PALLD: variants seen among roughly 807,000 people sequenced by gnomAD.
PALLD encodes palladin, cytoskeletal associated protein.
PALLD carries 61 observed loss-of-function variants against 123.5 expected under a neutral mutation model. The observed-to-expected ratio is 0.49, with a 90% CI of 0.40 to 0.61. The LOEUF (loss-of-function observed/expected upper bound fraction) is 0.61, where lower values mean the gene tolerates loss of function less well. Among genes scored for constraint, PALLD ranks in the 20% least tolerant of loss-of-function variants. The pLI is 0.00. For synonymous variants in PALLD, 465 were observed against 496.4 expected, an observed-to-expected ratio of 0.94 and a Z score of 0.84; for missense variants, 1,273 against 1,377.0, an observed-to-expected ratio of 0.92 and a Z score of 1.20.
intron 15 of PALLD, among the ~76,000 whole-genome samples, chr4:168,907,436 C>G (rs576704907): frequency 2.8e-4 from 42 of 152,266 alleles, no homozygotes; most frequent in African/African-American, 9.9e-4. Context: ...ATTTTATCAC[C>G]TCCATGGGAA....
intron 2 of PALLD, among the ~76,000 whole-genome samples, chr4:168,640,076 T>C: frequency 6.6e-6 from 1 of 152,228 alleles, no homozygotes; most frequent in South Asian, 2.1e-4. Context: ...AAAGTGACGA[T>C]GACCTCACAA....
chr4:168,827,324 A>G (rs1470918151), intron 10 of PALLD, among the ~76,000 whole-genome samples: 1 of 152,242 alleles, frequency 6.6e-6, no homozygotes, highest in Non-Finnish European at 1.5e-5. Flanking sequence ...CAGATAATGC[A>G]TGAGGCTGAG....
chr4:168,858,003 T>G (rs1400731049), intron 10 of PALLD, among the ~76,000 whole-genome samples: 4 of 152,248 alleles, frequency 2.6e-5, no homozygotes, highest in East Asian at 1.9e-4. Flanking sequence ...TCACACACAT[T>G]GCTCCCCACA....
intron 2 of PALLD, among the ~76,000 whole-genome samples, chr4:168,652,819 C>T (rs1271786075): frequency 6.6e-6 from 1 of 152,118 alleles, no homozygotes; most frequent in Non-Finnish European, 1.5e-5. Flanking sequence ...AGTGTGTCCC[C>T]AATAAACCAT....
intron 2 of PALLD, among the ~76,000 whole-genome samples, chr4:168,545,632 T>C (rs953437438): frequency 6.6e-6 from 1 of 152,214 alleles, no homozygotes; most frequent in African/African-American, 2.4e-5. Flanking sequence ...ACTCTTTTAA[T>C]CTGAGCCTTC....
At chr4:168,590,857 C>G (rs1238761684) in intron 2 of PALLD, among the ~76,000 whole-genome samples, 4 of 136,620 alleles carry the variant, frequency 2.9e-5, no homozygotes, top group South Asian at 2.4e-4. Flanking sequence ...AGAAGGGGAC[C>G]TAGAAAGTTT....
intron 1 of PALLD, among the ~76,000 whole-genome samples, chr4:168,503,002 C>T (rs1761584923): frequency 6.6e-6 from 1 of 152,202 alleles, no homozygotes; most frequent in Non-Finnish European, 1.5e-5. Context: ...CAGAACATTT[C>T]CTGCCTCGTG....
chr4:168,894,683 A>G lies in PALLD; in HGVS notation c.2199+6A>G, dbSNP rs981612426. On this transcript the variant is annotated splice_donor_region_variant and intron_variant, in intron 12 of 21. Transcript: ENST00000505667. ...AAGAGGAAACAGCTAATCAGGTACC[A>G]TGTTGCTCTGGACTTCTTAGGGTAA... 1.2e-6 allele frequency: 2 copies of G among 1,612,652 alleles called. No homozygotes were observed. The highest frequency in any genetic ancestry group is 1.7e-6 in the Non-Finnish European group (2 of 1,179,122).
At chr4:168,799,021 C>G (rs1031943715) in intron 10 of PALLD, among the ~76,000 whole-genome samples, 1 of 152,112 alleles carries the variant, frequency 6.6e-6, no homozygotes, top group African/African-American at 2.4e-5. Context: ...TCCGGGGGTG[C>G]CTTGTGGTCA....
At chr4:168,780,115 T>C (rs543784991) in intron 10 of PALLD, among the ~76,000 whole-genome samples, 6 of 152,276 alleles carry the variant, frequency 3.9e-5, no homozygotes, top group Admixed American at 3.3e-4. Context: ...GCCAGGCTGG[T>C]CTCGAACTCC....
chr4:168,689,500 T>G (rs1402828322), intron 6 of PALLD, among the ~76,000 whole-genome samples: 2 of 131,528 alleles, frequency 1.5e-5, no homozygotes, highest in East Asian at 5.1e-4. Flanking sequence ...CAGGCTGAAG[T>G]GCAATGGTGT....
At chr4:168,651,042 C>T (rs566089120) in intron 2 of PALLD, among the ~76,000 whole-genome samples, 10 of 152,174 alleles carry the variant, frequency 6.6e-5, no homozygotes, top group East Asian at 1.9e-4. Flanking sequence ...TTTTCAGGAT[C>T]GTAATTAAAC....
intron 10 of PALLD, among the ~76,000 whole-genome samples, chr4:168,866,574 A>G (rs969890639): frequency 1.3e-5 from 2 of 152,198 alleles, no homozygotes; most frequent in African/African-American, 4.8e-5. Flanking sequence ...TGGATATACA[A>G]TATTTAGCTG....
At chr4:168,757,238 T>C (rs1732015031) in intron 10 of PALLD, among the ~76,000 whole-genome samples, 1 of 152,232 alleles carries the variant, frequency 6.6e-6, no homozygotes, top group African/African-American at 2.4e-5. Context: ...AATGTTGATT[T>C]CCTCAGATTT....
At chr4:168,735,577 A>G (rs1469876957) in intron 10 of PALLD, among the ~76,000 whole-genome samples, 1 of 152,190 alleles carries the variant, frequency 6.6e-6, no homozygotes, top group Non-Finnish European at 1.5e-5. Flanking sequence ...GGATGGCAAA[A>G]ACCCATTCAT....
chr4:168,835,642 G>C (rs1438138519), intron 10 of PALLD, among the ~76,000 whole-genome samples: 1 of 132,182 alleles, frequency 7.6e-6, no homozygotes, highest in Non-Finnish European at 1.7e-5. Flanking sequence ...AATTTTAAGA[G>C]AGGATAAAGA....
chr4:168,799,850 T>A (rs1028111702), intron 10 of PALLD, among the ~76,000 whole-genome samples: 1 of 152,188 alleles, frequency 6.6e-6, no homozygotes, highest in African/African-American at 2.4e-5. Context: ...CAACTATAAC[T>A]ATTTCCTATG....
At chr4:168,499,238 A>C in intron 1 of PALLD, among the ~76,000 whole-genome samples, 2 of 116,744 alleles carry the variant, frequency 1.7e-5, no homozygotes, top group Non-Finnish European at 3.5e-5. Context: ...ACGGGGAAGA[A>C]GGAAGGGAGA....
intron 10 of PALLD, among the ~76,000 whole-genome samples, chr4:168,831,754 A>G (rs372342203): frequency 1.3e-5 from 2 of 152,330 alleles, no homozygotes; most frequent in East Asian, 1.9e-4. Context: ...GAGGAGAATC[A>G]TCCTAACAAG....
Sources: gnomAD v4.1 joint callset for allele counts (sites outside exome capture counted in the v4.1 genomes callset) on GRCh38, gnomAD v4.1.1 for gene constraint, MANE v1.5 for transcripts, NCBI Gene and HGNC (gene_info 2026-07-23, HGNC 2026-07-21) for gene names.